Variants in TBXAS1 observed in about 807,000 individuals in gnomAD.
The protein encoded by TBXAS1 is thromboxane A synthase 1.
A neutral mutation model predicts 60.7 loss-of-function variants in TBXAS1; 48 were observed. That is an observed-to-expected ratio of 0.79 (90% CI 0.63 to 1.01). The LOEUF (loss-of-function observed/expected upper bound fraction) is 1.01, where lower values mean the gene tolerates loss of function less well. Among genes scored for constraint, TBXAS1 ranks in the 50% least tolerant of loss-of-function variants. The pLI is 0.00. For synonymous variants in TBXAS1, 287 were observed against 269.7 expected (o/e 1.06, Z -0.63); for missense variants, 685 against 686.3 (o/e 1.00, Z 0.02).
intron 1 of TBXAS1, among the ~76,000 whole-genome samples, chr7:139,868,921 G>A (rs1245439992): frequency 6.6e-6 from 1 of 151,862 alleles, no homozygotes; most frequent in Admixed American, 6.6e-5. Context: ...CCGAAGTGCT[G>A]GGATTACAGG....
At chr7:139,784,445 G>A (rs1273556082) in intron 3 of TBXAS1, among the ~76,000 whole-genome samples, 2 of 152,144 alleles carry the variant, frequency 1.3e-5, no homozygotes, top group Non-Finnish European at 2.9e-5. Flanking sequence ...ACAATATAAT[G>A]AGTGCAGCAG....
chr7:140,014,602 A>T (rs1814873139), intron 10 of TBXAS1, among the ~76,000 whole-genome samples: 1 of 152,154 alleles, frequency 6.6e-6, no homozygotes, highest in South Asian at 2.1e-4. Context: ...ACACACACAC[A>T]GAGAATGGTA....
intron 9 of TBXAS1, among the ~76,000 whole-genome samples, chr7:139,970,663 A>C (rs532243053): frequency 6.6e-6 from 1 of 152,366 alleles, no homozygotes; most frequent in East Asian, 1.9e-4. Flanking sequence ...TGGGAGATGA[A>C]GTGATGCAGG....
intron 3 of TBXAS1, among the ~76,000 whole-genome samples, chr7:139,877,720 G>A (rs949909048): frequency 4.1e-5 from 5 of 120,730 alleles, no homozygotes; most frequent in African/African-American, 1.3e-4. Flanking sequence ...ACTGCACCCA[G>A]TCTATTGCTT....
intron 9 of TBXAS1, among the ~76,000 whole-genome samples, chr7:139,991,072 G>A (rs766921689): frequency 9.2e-5 from 14 of 152,186 alleles, no homozygotes; most frequent in South Asian, 2.1e-4. Context: ...GGGCTGAAAC[G>A]TGGCTGGAAC....
chr7:139,975,387 T>C lies in TBXAS1; in HGVS notation c.1134+13154T>C, dbSNP rs1156541683. The stretch of plus-strand genomic sequence containing the variant: ...GCACTCACGTTTCCCGACTCCTTAG[T>C]CTGTATTCTTTTCAACCTTGTCTCT... On this transcript the variant is annotated intron_variant, in intron 9 of 12. Transcript: ENST00000448866. This position sits in a 1 kb window ranked among gnomAD's most constrained non-coding sequence, Gnocchi z 4.4. Among the ~76,000 whole-genome samples, 2 of 152,054 alleles carry C rather than the reference T, an allele frequency of 1.3e-5. No individual in the cohort carries two copies. Among genetic ancestry groups the C allele is most frequent in the Non-Finnish European group, 2.9e-5 (2 of 68,004 alleles).
rs189517889 is a variant in TBXAS1, at chr7:139,929,677, T to C, written c.334-6514T>C. Among the ~76,000 whole-genome samples, 58 of 152,342 alleles carry C rather than the reference T, an allele frequency of 3.8e-4. No individual in the cohort carries two copies. In the Middle Eastern group the frequency reaches 0.01, roughly 27 times the overall value. On this transcript the variant is annotated intron_variant, in intron 4 of 12. Transcript: ENST00000448866. Reference sequence around the variant, plus strand: ...ATTCCGACTGCTCAGTCCAAAACCCTTGGAGTCATCCTTGACTCCTGTCTT... The same window carrying C: ...ATTCCGACTGCTCAGTCCAAAACCCCTGGAGTCATCCTTGACTCCTGTCTT...
chr7:139,817,142 C>G (rs1402951647), intron 4 of TBXAS1, among the ~76,000 whole-genome samples: 2 of 152,154 alleles, frequency 1.3e-5, no homozygotes, highest in African/African-American at 4.8e-5. Context: ...TAGTCTCATG[C>G]TTCAGCCCTA....
chr7:139,894,271 G>A (rs1803899871), intron 3 of TBXAS1, among the ~76,000 whole-genome samples: 1 of 152,164 alleles, frequency 6.6e-6, no homozygotes, highest in African/African-American at 2.4e-5. Flanking sequence ...TTCCATGGGT[G>A]TGGCTGGGTT....
At chr7:139,859,439 C>G (rs902409196) in intron 1 of TBXAS1, among the ~76,000 whole-genome samples, 1 of 151,564 alleles carries the variant, frequency 6.6e-6, no homozygotes. Context: ...ATCTTCTTAC[C>G]TCGTGATCCG....
rs556843275 is a variant in TBXAS1, at chr7:139,848,106, C to A, written c.89+18627C>A. On this transcript the variant is annotated intron_variant, in intron 1 of 12. Coordinates refer to ENST00000448866, the MANE Select transcript of TBXAS1 (RefSeq NM_001061.7). ...AAGTAGCTGGGACTATAGGTGCATG[C>A]AACCATCCCTGGCTAATTTTATGTT... Among the ~76,000 whole-genome samples, 6 of 152,136 alleles carry A rather than the reference C, an allele frequency of 3.9e-5. No individual in the cohort carries two copies. The South Asian group carries it at 6.2e-4, about 16-fold the overall frequency.
At chr7:139,869,932 A>G (rs1801700632) in intron 1 of TBXAS1, among the ~76,000 whole-genome samples, 1 of 152,154 alleles carries the variant, frequency 6.6e-6, no homozygotes, top group African/African-American at 2.4e-5. Context: ...TGGTAGGGAG[A>G]CAAATGGAAC....
chr7:139,842,090 G>A (rs1481448207), intron 1 of TBXAS1, among the ~76,000 whole-genome samples: 1 of 152,124 alleles, frequency 6.6e-6, no homozygotes, highest in Non-Finnish European at 1.5e-5. Flanking sequence ...GGAAGCCTGG[G>A]AATTTTGCTG....
intron 1 of TBXAS1, among the ~76,000 whole-genome samples, chr7:139,868,663 T>C (rs890390129): frequency 6.7e-6 from 1 of 149,416 alleles, no homozygotes; most frequent in East Asian, 1.9e-4. Flanking sequence ...TTTTTTTTTT[T>C]TTTTTTTTTT....
rs776190251 is a variant in TBXAS1, at chr7:139,875,570, C to T, written c.184-15C>T. The T allele has an allele frequency of 9.3e-6, 15 of 1,612,508 alleles. No homozygotes were observed. The highest frequency in any genetic ancestry group is 1.3e-5 in the Non-Finnish European group (15 of 1,178,548). On this transcript the variant is annotated splice_polypyrimidine_tract_variant and intron_variant, in intron 2 of 12. Transcript: ENST00000448866. ...GCTTAATCTTATTCTTACTATAGTG[C>T]TGTGTTTCCTTCAGGGTTTTTGGGA...
chr7:139,791,986 T>C (rs1276597338), intron 4 of TBXAS1, among the ~76,000 whole-genome samples: 1 of 152,168 alleles, frequency 6.6e-6, no homozygotes, highest in East Asian at 1.9e-4. Context: ...AAGATATTTT[T>C]CGAAGTGGAG....
chr7:139,804,910 T>C (rs191014142), intron 4 of TBXAS1, among the ~76,000 whole-genome samples: 2 of 152,338 alleles, frequency 1.3e-5, no homozygotes, highest in East Asian at 3.9e-4. Flanking sequence ...TAATACAACA[T>C]GTTTGTTTTT....
rs71543349 is a variant in TBXAS1 at position 140,004,262 on chromosome 7, G to T, written c.1135-2829G>T. Among the ~76,000 whole-genome samples the T allele has an allele frequency of 1.5e-4, 23 of 152,310 alleles. No homozygotes were observed. The East Asian group carries it at 4.2e-3, about 28-fold the overall frequency. ...GCCTTTATTCCCAAAGCAGGGGGAC[G>T]TGTCCATCGTGGTACTCAGCGAGCT... On this transcript the variant is annotated intron_variant, in intron 9 of 12. Transcript: ENST00000448866. This position sits in a 1 kb window ranked among gnomAD's most constrained non-coding sequence, Gnocchi z 5.1.
At chr7:139,784,903 G>GAA (rs1797138774) in intron 3 of TBXAS1, among the ~76,000 whole-genome samples, 3 of 151,518 alleles carry the variant, frequency 2.0e-5, no homozygotes, top group African/African-American at 7.3e-5. Context: ...CTGATCCATA[G>GAA]GAGGTGAGAT....
Sources: allele counts gnomAD v4.1 joint callset (sites outside exome capture counted in the v4.1 genomes callset), GRCh38; gene constraint gnomAD v4.1.1; non-coding constraint Gnocchi (gnomAD v3.1); transcripts MANE v1.5; gene names NCBI Gene and HGNC (gene_info 2026-07-23, HGNC 2026-07-21).